REX1BD: variants seen among roughly 807,000 people sequenced by gnomAD.
The protein encoded by REX1BD is required for excision 1-B domain-containing protein.
In REX1BD, 22 loss-of-function variants were observed where a neutral mutation model predicts 24.4. The ratio of observed to expected loss-of-function variants is 0.90; its 90% confidence interval spans 0.64 to 1.29. The LOEUF (loss-of-function observed/expected upper bound fraction) is 1.29, where lower values mean the gene tolerates loss of function less well. Among genes scored for constraint, REX1BD ranks in the 50% most tolerant of loss-of-function variants. The pLI is 0.00. For missense variants in REX1BD, 293 were observed against 285.3 expected (o/e 1.03, Z -0.19); for synonymous variants, 146 against 125.9 (o/e 1.16, Z -1.07).
At chr19:18,590,192 CTT>C (rs903649376) in intron 3 of REX1BD, 5 of 144,044 alleles carry the variant, frequency 3.5e-5, no homozygotes, top group African/African-American at 8.3e-5. Flanking sequence ...CTCAGCGTCT[CTT>C]TGGCCTTTTT....
intron 3 of REX1BD, 56 bp from the exon 4 acceptor site, chr19:18,590,798 C>A: frequency 6.6e-7 from 1 of 1,522,540 alleles, no homozygotes; most frequent in Non-Finnish European, 8.9e-7. Flanking sequence ...CCTTGGAGGG[C>A]AGGGGGTGGG....
intron 2 of REX1BD, 61 bp from the exon 3 acceptor site, chr19:18,589,352 T>C (rs1483198051): frequency 1.3e-6 from 2 of 1,549,472 alleles, no homozygotes; most frequent in Non-Finnish European, 8.7e-7. Context: ...TCAGGAAGCG[T>C]CCTTCCTACC....
intron 1 of REX1BD, 24 bp from the exon 2 acceptor site, chr19:18,588,971 C>T (rs1290947301): frequency 1.3e-6 from 2 of 1,524,790 alleles, no homozygotes; most frequent in South Asian, 1.2e-5. Flanking sequence ...GCTTCATGCC[C>T]CAGCCGTGCC....
chr19:18,589,006 GATCCGGACGCTGGTGCAGCGC>G lies in REX1BD; in HGVS notation c.116_136del (p.Arg39_Ile45del), dbSNP rs1975976412. 6.5e-7 allele frequency: 1 copy of G among 1,527,860 alleles called. No homozygotes were observed. Among genetic ancestry groups the G allele is most frequent in the Non-Finnish European group, 8.7e-7 (1 of 1,143,902 alleles). The allele number at this position is 1,527,860 out of a possible 1,614,324, so 94.6% of individuals were successfully genotyped here. A position where few individuals can be genotyped will look rare whatever the true frequency, so the allele number is the denominator to read the frequency against. On this transcript the variant is annotated inframe_deletion, in exon 2 of 5. Coordinates refer to ENST00000358607, the MANE Select transcript of REX1BD (RefSeq NM_001100418.2). ...CCCCTGTCCCGCAGAAAGACGCCCC[GATCCGGACGCTGGTGCAGCGC>G]ATCCACCAGCTGCAGGCTGAGCGCG...
chr19:18,589,282 G>A (rs1363367577), intron 2 of REX1BD, 131 bp from the exon 3 acceptor site: 10 of 1,538,444 alleles, frequency 6.5e-6, no homozygotes, highest in Admixed American at 2.0e-5. Flanking sequence ...CTCACTCTTC[G>A]TGGCTTCTCT....
At chr19:18,592,073 T>TGG in intron 4 of REX1BD, 35 bp from the exon 5 acceptor site, 1 of 1,613,260 alleles carries the variant, frequency 6.2e-7, no homozygotes, top group Non-Finnish European at 8.5e-7. Context: ...TCACCCCATC[T>TGG]GGGTTTTATT....
intron 4 of REX1BD, 67 bp from the exon 5 acceptor site, chr19:18,592,041 C>A: frequency 6.3e-7 from 1 of 1,588,954 alleles, no homozygotes; most frequent in Non-Finnish European, 8.6e-7. Flanking sequence ...AGCCCTCTTG[C>A]AGCTTCGCGG....
chr19:18,591,161 C>G (rs1294704375), intron 4 of REX1BD: 1 of 450,868 alleles, frequency 2.2e-6, no homozygotes, highest in African/African-American at 2.1e-5. Flanking sequence ...ATCCTGCACA[C>G]GTGGCTGTCC....
At chr19:18,591,376 C>G (rs939950858) in intron 4 of REX1BD, 1 of 154,332 alleles carries the variant, frequency 6.5e-6, no homozygotes, top group Non-Finnish European at 1.4e-5. Context: ...TGCAGTGGCG[C>G]GATCTCAGCT....
rs762178954 is a variant in REX1BD at position 18,592,176 on chromosome 19, A to G, written c.602A>G (p.Glu201Gly). The G allele has an allele frequency of 1.2e-6, 2 of 1,614,012 alleles. No homozygotes were observed. The highest frequency in any genetic ancestry group is 8.5e-7 in the Non-Finnish European group (1 of 1,179,982). Reference sequence around the variant, plus strand: ...CTTAGGTTTGATGCGGAATCTGCCGAGTGATGGCGGCTCCCCAGGGATGCG... The same window carrying G: ...CTTAGGTTTGATGCGGAATCTGCCGGGTGATGGCGGCTCCCCAGGGATGCG... The part of the protein sequence containing the change: ...QDLRFDAESA[E>G] Residue 201 changes from glutamate (E) to glycine (G), a missense_variant, in exon 5 of 5, where the codon GAG (glutamate) becomes GGG (glycine). Physicochemically the swap from Glu to Gly is moderately conservative, Grantham distance 98. Coordinates refer to ENST00000358607, the MANE Select transcript of REX1BD (RefSeq NM_001100418.2).
Position 18,592,082 on chromosome 19 carries a change from T to G in REX1BD, c.534-26T>G, listed in dbSNP as rs775848936. On this transcript the variant is annotated intron_variant, in intron 4 of 4. Transcript: ENST00000358607. ...GCTAATTCACCCCATCTGGGTTTTA[T>G]TTATAGTTCCCATCCGCTCTTGTAG... 9.3e-6 allele frequency: 15 copies of G among 1,613,418 alleles called. No homozygotes were observed. In the East Asian group the frequency reaches 3.3e-4, roughly 36 times the overall value.
intron 4 of REX1BD, chr19:18,591,687 T>C (rs886242): frequency 0.58 from 103,599 of 178,472 alleles, 32,139 homozygotes; most frequent in African/African-American, 0.83. Flanking sequence ...AGTGCAGTGG[T>C]GCGGTCTTGG....
intron 2 of REX1BD, 39 bp from the exon 3 acceptor site, chr19:18,589,374 C>T: frequency 6.4e-7 from 1 of 1,552,144 alleles, no homozygotes; most frequent in Non-Finnish European, 8.7e-7. Flanking sequence ...ACCAGTCCTC[C>T]CCTCTGGTGT....
intron 3 of REX1BD, 135 bp downstream of exon 3, chr19:18,589,818 A>G (rs1976001190): frequency 2.4e-6 from 3 of 1,250,564 alleles, no homozygotes; most frequent in South Asian, 3.6e-5. Context: ...CCAATCCTCT[A>G]TTAAGGCTTC....
Position 18,592,166 on chromosome 19 carries a change from G to A in REX1BD, c.592G>A (p.Glu198Lys), listed in dbSNP as rs763347524. Residue 198 changes from glutamate to lysine, a missense_variant, in exon 5 of 5, where the codon GAA becomes AAA. Physicochemically the swap from Glu to Lys is moderately conservative, Grantham distance 56 (BLOSUM62 1). Coordinates refer to ENST00000358607, the MANE Select transcript of REX1BD (RefSeq NM_001100418.2). ...TCTCCAGGACCTTAGGTTTGATGCG[G>A]AATCTGCCGAGTGATGGCGGCTCCC... ...EVLQDLRFDA[E>K]SAE is the part of the protein sequence containing the mutation. The A allele has an allele frequency of 6.2e-7, 1 of 1,614,106 alleles. No homozygotes were observed. Among genetic ancestry groups the A allele is most frequent in the Admixed American group, 1.7e-5 (1 of 60,026 alleles).
intron 3 of REX1BD, 55 bp from the exon 4 acceptor site, chr19:18,590,798 CA>C (rs2145320663): frequency 1.3e-6 from 2 of 1,522,548 alleles, no homozygotes; most frequent in East Asian, 4.8e-5. Context: ...CCTTGGAGGG[CA>C]GGGGGTGGGT....
Position 18,589,536 on chromosome 19 carries a change from C to G in REX1BD, c.306C>G (p.Ser102Arg), listed in dbSNP as rs756602522. The G allele has an allele frequency of 2.5e-6, 4 of 1,578,898 alleles. No individual in the cohort carries two copies. The change falls in exon 3 of 5, where the codon AGC becomes AGG. Residue 102 changes from serine (S) to arginine (R), a missense_variant. By Grantham distance (110) the Ser-to-Arg change is moderately radical (BLOSUM62 -1). Coordinates refer to ENST00000358607, the MANE Select transcript of REX1BD (RefSeq NM_001100418.2). ...GPDYDFARYR[S>R]TVHGVTQAFA... ...ACTACGACTTCGCGCGCTACCGGAG[C>G]ACAGTGCACGGGGTGACCCAGGCCT...
chr19:18,590,632 C>T, intron 3 of REX1BD: 1 of 512,232 alleles, frequency 2.0e-6, no homozygotes, highest in East Asian at 3.6e-5. Flanking sequence ...CCAGGCCACG[C>T]CCACATCGCG....
chr19:18,592,216 A>C lies in REX1BD; in HGVS notation c.*36A>C, dbSNP rs921557408. The C allele has an allele frequency of 6.2e-7, 1 of 1,613,018 alleles. No homozygotes were observed. The highest frequency in any genetic ancestry group is 8.5e-7 in the Non-Finnish European group (1 of 1,179,344). On this transcript the variant is annotated 3_prime_UTR_variant, in exon 5 of 5. Transcript: ENST00000358607. ...CCAGGGATGCGCCGAGGGAGATGGG[A>C]AACGGGGCGGATGGCGCCCAGCCCA...
Sources: allele counts gnomAD v4.1 joint callset, GRCh38; gene constraint gnomAD v4.1.1; transcripts MANE v1.5; gene names NCBI Gene and HGNC (gene_info 2026-07-23, HGNC 2026-07-21).